PRKCI: variants seen among roughly 807,000 people sequenced by gnomAD.
The protein encoded by PRKCI is protein kinase C iota.
In PRKCI, 43 loss-of-function variants were observed where a neutral mutation model predicts 84.0. That is an observed-to-expected ratio of 0.51 (90% CI 0.40 to 0.66). The LOEUF (loss-of-function observed/expected upper bound fraction) is 0.66, where lower values mean the gene tolerates loss of function less well. Among genes scored for constraint, PRKCI ranks in the 30% least tolerant of loss-of-function variants. PRKCI has a pLI of 0.00. For synonymous variants in PRKCI, 216 were observed against 234.4 expected, an observed-to-expected ratio of 0.92 and a Z score of 0.72; for missense variants, 459 against 745.6, an observed-to-expected ratio of 0.62 and a Z score of 4.48.
intron 5 of PRKCI, among the ~76,000 whole-genome samples, chr3:170,268,287 C>G (rs1311990023): frequency 1.3e-5 from 2 of 152,146 alleles, no homozygotes; most frequent in Non-Finnish European, 2.9e-5. Flanking sequence ...TCATACCAGC[C>G]TGGCCAACAT....
intron 15 of PRKCI, among the ~76,000 whole-genome samples, chr3:170,296,250 A>G (rs1196247737): frequency 6.6e-6 from 1 of 152,246 alleles, no homozygotes; most frequent in Non-Finnish European, 1.5e-5. Context: ...TAAATAATAT[A>G]TACCATATTC....
chr3:170,279,447 T>G (rs1390045440), intron 8 of PRKCI, among the ~76,000 whole-genome samples: 1 of 152,238 alleles, frequency 6.6e-6, no homozygotes, highest in African/African-American at 2.4e-5. Flanking sequence ...TATTTGCTTT[T>G]CTTGGTATTC....
At chr3:170,235,184 A>G in intron 1 of PRKCI, 46 bp from the exon 2 acceptor site, 1 of 1,579,126 alleles carries the variant, frequency 6.3e-7, no homozygotes, top group Non-Finnish European at 8.7e-7. Flanking sequence ...ATACAGCATT[A>G]TTATTTTTAA....
chr3:170,234,793 TTTG>T (rs1269324972), intron 1 of PRKCI, among the ~76,000 whole-genome samples: 3 of 152,146 alleles, frequency 2.0e-5, no homozygotes, highest in Non-Finnish European at 2.9e-5. Flanking sequence ...ATTTGATTTT[TTTG>T]TTTTCTTTTG....
At chr3:170,256,132 T>C (rs1733577616) in intron 2 of PRKCI, among the ~76,000 whole-genome samples, 1 of 152,230 alleles carries the variant, frequency 6.6e-6, no homozygotes, top group South Asian at 2.1e-4. Context: ...GATATTGACC[T>C]GTAGTTTTCT....
At chr3:170,292,133 G>A (rs1734567472) in intron 13 of PRKCI, among the ~76,000 whole-genome samples, 192 bp downstream of exon 13, 1 of 152,096 alleles carries the variant, frequency 6.6e-6, no homozygotes, top group Admixed American at 6.6e-5. Flanking sequence ...CAGTATTTGG[G>A]GGTACCAAGC....
In PRKCI at chr3:170,292,447, A is replaced by G. The variant is rs1361675099; in HGVS notation, c.1291+506A>G. Reference sequence around the variant, plus strand: ...AGATTAACTGTATCTCAGGCACCCGAAGATACACTTATCTTGAGAAAACAT... The same window carrying G: ...AGATTAACTGTATCTCAGGCACCCGGAGATACACTTATCTTGAGAAAACAT... On this transcript the variant is annotated intron_variant, in intron 13 of 17. Transcript: ENST00000295797. Among the ~76,000 whole-genome samples the G allele has an allele frequency of 2.6e-5, 4 of 152,282 alleles. No individual in the cohort carries two copies. In the East Asian group the frequency reaches 7.7e-4, roughly 29 times the overall value.
At chr3:170,238,393 T>C (rs1733035576) in intron 2 of PRKCI, among the ~76,000 whole-genome samples, 1 of 151,544 alleles carries the variant, frequency 6.6e-6, no homozygotes, top group African/African-American at 2.4e-5. Context: ...CAAATCGTTA[T>C]GCAGTGTTTT....
intron 1 of PRKCI, among the ~76,000 whole-genome samples, 164 bp downstream of exon 1, chr3:170,222,934 C>T (rs1028054266): frequency 2.0e-5 from 3 of 148,624 alleles, no homozygotes; most frequent in African/African-American, 7.5e-5. Flanking sequence ...GGGGTGGGGG[C>T]GAAGCAAGGG....
At chr3:170,253,726 G>A (rs1002460574) in intron 2 of PRKCI, among the ~76,000 whole-genome samples, 9 of 152,146 alleles carry the variant, frequency 5.9e-5, no homozygotes. Context: ...GGGAGGCAGA[G>A]CTTGCAGTGA....
intron 7 of PRKCI, among the ~76,000 whole-genome samples, 192 bp downstream of exon 7, chr3:170,273,532 G>A (rs1734046006): frequency 6.6e-6 from 1 of 152,076 alleles, no homozygotes. Context: ...AGACAACTGT[G>A]GGCTGGGTGC....
At chr3:170,252,883 C>T (rs1733490813) in intron 2 of PRKCI, among the ~76,000 whole-genome samples, 1 of 152,104 alleles carries the variant, frequency 6.6e-6, no homozygotes, top group African/African-American at 2.4e-5. Flanking sequence ...ACTATCGTTC[C>T]CAGCTTCTGG....
intron 4 of PRKCI, among the ~76,000 whole-genome samples, chr3:170,264,076 T>G (rs760561482): frequency 1.3e-5 from 2 of 152,204 alleles, no homozygotes; most frequent in Non-Finnish European, 2.9e-5. Flanking sequence ...TGCCCAGATT[T>G]ACCAATTTTT....
chr3:170,248,100 ATG>A (rs1317923197), intron 2 of PRKCI, among the ~76,000 whole-genome samples: 3 of 152,168 alleles, frequency 2.0e-5, no homozygotes, highest in African/African-American at 7.2e-5. Context: ...AGGGAGAAGA[ATG>A]TGTGATACTG....
intron 1 of PRKCI, among the ~76,000 whole-genome samples, chr3:170,223,975 G>C (rs1732564793): frequency 6.6e-6 from 1 of 151,610 alleles, no homozygotes; most frequent in Admixed American, 6.6e-5. Flanking sequence ...GTGCAGGTTA[G>C]TTACATGTGT....
At chr3:170,222,812 C>T (rs1416546363) in intron 1 of PRKCI, 42 bp downstream of exon 1, 2 of 1,483,278 alleles carry the variant, frequency 1.3e-6, no homozygotes, top group Admixed American at 1.9e-5. Flanking sequence ...AGGGGACAGG[C>T]CGGCTCCACT....
At chr3:170,292,966 G>A (rs1734593677) in intron 13 of PRKCI, among the ~76,000 whole-genome samples, 1 of 150,790 alleles carries the variant, frequency 6.6e-6, no homozygotes, top group Non-Finnish European at 1.5e-5. Context: ...GCGTGAACCC[G>A]GGAGGTGGAG....
At chr3:170,240,608 G>A (rs1466788333) in intron 2 of PRKCI, among the ~76,000 whole-genome samples, 1 of 152,116 alleles carries the variant, frequency 6.6e-6, no homozygotes, top group Non-Finnish European at 1.5e-5. Context: ...GTTTTCAGTT[G>A]TAATTTTGTC....
intron 8 of PRKCI, among the ~76,000 whole-genome samples, chr3:170,278,732 C>T (rs777063814): frequency 2.6e-5 from 4 of 152,196 alleles, no homozygotes; most frequent in Admixed American, 2.0e-4. Context: ...ATTTGGTGCA[C>T]GGTTCTGCAG....
Sources: gnomAD v4.1 joint callset for allele counts (sites outside exome capture counted in the v4.1 genomes callset) on GRCh38, gnomAD v4.1.1 for gene constraint, MANE v1.5 for transcripts, NCBI Gene and HGNC (gene_info 2026-07-23, HGNC 2026-07-21) for gene names.